THBS2: variants seen among roughly 807,000 people sequenced by gnomAD.
THBS2 encodes the protein thrombospondin-2.
Under a neutral mutation model 135.2 loss-of-function variants are expected in THBS2, and 47 were observed. The observed-to-expected ratio is 0.35, with a 90% CI of 0.28 to 0.44. THBS2 has a LOEUF of 0.44. Ranked by LOEUF, THBS2 falls within the 20% of genes least tolerant of loss-of-function variation. THBS2 has a pLI of 1.00. For synonymous variants in THBS2, 639 were observed against 633.8 expected (o/e 1.01, Z -0.12); for missense variants, 1,288 against 1,603.1 (o/e 0.80, Z 3.36).
At chr6:169,226,347 G>A (rs774178340) in intron 15 of THBS2, 49 bp from the exon 16 acceptor site, 1 of 1,457,312 alleles carries the variant, frequency 6.9e-7, no homozygotes, top group Non-Finnish European at 9.6e-7. Flanking sequence ...CAGAAGGACA[G>A]GTGAGTTTAG....
In THBS2 at chr6:169,220,173, A is replaced by G. The variant is rs201863589; in HGVS notation, c.3511+25T>C. 3.1e-6 allele frequency: 5 copies of G among 1,606,116 alleles called. No homozygotes were observed. In the East Asian group the frequency reaches 6.7e-5, roughly 22 times the overall value. The stretch of plus-strand genomic sequence containing the variant: ...TTTCTGGGTGCCACATGCCTTCCCC[A>G]CTAACCTGAAGTGCTCACACTCACC... On this transcript the variant is annotated intron_variant, in intron 21 of 21. Transcript: ENST00000617924.
intron 16 of THBS2, among the ~76,000 whole-genome samples, chr6:169,225,846 C>T (rs1779607174): frequency 6.6e-6 from 1 of 152,256 alleles, no homozygotes; most frequent in Non-Finnish European, 1.5e-5. Flanking sequence ...TGTGAAGACA[C>T]AACCTCGCTC....
rs1463155868 is a variant in THBS2 at position 169,216,070 on chromosome 6, G to A, written c.*1752C>T. 1.3e-5 allele frequency: 2 copies of A among 152,220 alleles called. No homozygotes were observed. Among genetic ancestry groups the A allele is most frequent in the East Asian group, 3.8e-4 (2 of 5,202 alleles). 9.4% of individuals were successfully genotyped at this position (152,220 alleles called of 1,614,324 possible). A position where few individuals can be genotyped will look rare whatever the true frequency, so the allele number is the denominator to read the frequency against. On this transcript the variant is annotated 3_prime_UTR_variant, in exon 22 of 22. Transcript: ENST00000617924. ...CAACACAGAAACAGAAAACCTGCACGCTGTTGACAGTCGCTACATTTAATG... is the reference window on the plus strand; with the variant it reads ...CAACACAGAAACAGAAAACCTGCACACTGTTGACAGTCGCTACATTTAATG...
chr6:169,250,478 T>A (rs1041935831), intron 2 of THBS2, among the ~76,000 whole-genome samples: 13 of 152,202 alleles, frequency 8.5e-5, no homozygotes, highest in African/African-American at 3.1e-4. Flanking sequence ...GTTGTGAACA[T>A]CCTCTATAGA....
chr6:169,238,045 A>G (rs1307768010), intron 7 of THBS2, among the ~76,000 whole-genome samples: 1 of 152,190 alleles, frequency 6.6e-6, no homozygotes, highest in Non-Finnish European at 1.5e-5. Context: ...TTCTGGGTCT[A>G]CTATTAGGGT....
Position 169,248,622 on chromosome 6 carries a change from T to A in THBS2, c.404A>T (p.His135Leu). 6.2e-7 allele frequency: 1 copy of A among 1,614,076 alleles called. No homozygotes were observed. Among genetic ancestry groups the A allele is most frequent in the Non-Finnish European group, 8.5e-7 (1 of 1,180,040 alleles). The change falls in exon 3 of 22, where the codon CAT becomes CTT. Residue 135 changes from histidine to leucine, a missense_variant. Transcript: ENST00000617924. Reference protein sequence around the residue: ...DLTYWIDGTRHVVSLEDVGLA... With the variant: ...DLTYWIDGTRLVVSLEDVGLA... ...GCCGACGTCCTCCAGGGAGACCACA[T>A]GCCGGGTGCCGTCAATCCAGTAGGT... is the stretch of plus-strand genomic sequence containing the variant.
chr6:169,251,128 G>A (rs184505182), intron 1 of THBS2, among the ~76,000 whole-genome samples: 2 of 152,318 alleles, frequency 1.3e-5, no homozygotes, highest in Admixed American at 1.3e-4. Flanking sequence ...TGAGCAAATG[G>A]AAGATGGGCA....
chr6:169,233,566 C>T (rs1779928741), intron 10 of THBS2, among the ~76,000 whole-genome samples: 1 of 151,010 alleles, frequency 6.6e-6, no homozygotes, highest in Non-Finnish European at 1.5e-5. Flanking sequence ...TTCCAGACCA[C>T]ACAACTACCC....
intron 4 of THBS2, among the ~76,000 whole-genome samples, chr6:169,243,638 A>G (rs1417851122): frequency 6.6e-6 from 1 of 152,176 alleles, no homozygotes; most frequent in Non-Finnish European, 1.5e-5. Flanking sequence ...ACACATTAAT[A>G]GAGACAAAGA....
At chr6:169,239,556 T>C (rs1780218744) in intron 7 of THBS2, 43 bp downstream of exon 7, 3 of 1,514,862 alleles carry the variant, frequency 2.0e-6, no homozygotes, top group South Asian at 2.4e-5. Context: ...AAGCATGGAA[T>C]TCCTAAAAAT....
At chr6:169,218,036 GAT>G (rs1779243510) in intron 21 of THBS2, among the ~76,000 whole-genome samples, 1 of 78,654 alleles carries the variant, frequency 1.3e-5, no homozygotes, top group Non-Finnish European at 2.9e-5. Context: ...TGGGTGGGTG[GAT>G]GAGATGGATG....
intron 17 of THBS2, among the ~76,000 whole-genome samples, chr6:169,224,515 G>C (rs1237076975): frequency 6.6e-6 from 1 of 150,396 alleles, no homozygotes; most frequent in African/African-American, 2.4e-5. Flanking sequence ...CAAGGACGTG[G>C]CTTCCAAAGA....
At chr6:169,242,824 C>A (rs1307973038) in intron 4 of THBS2, among the ~76,000 whole-genome samples, 5 of 100,424 alleles carry the variant, frequency 5.0e-5, no homozygotes, top group Admixed American at 9.8e-5. Flanking sequence ...CCACTCCCAC[C>A]TTCCCACCTT....
In THBS2 at chr6:169,217,378, G is replaced by T. The variant is rs1241041588; in HGVS notation, c.*444C>A. On this transcript the variant is annotated 3_prime_UTR_variant, in exon 22 of 22. Coordinates refer to ENST00000617924, the MANE Select transcript of THBS2 (RefSeq NM_003247.5). ...GTAGAGCAACTCTAATTCAAGAATA[G>T]TGACAACTTTAAGCACCAAAAGTAG... The T allele has an allele frequency of 1.9e-5, 3 of 160,960 alleles. No homozygotes were observed. The highest frequency in any genetic ancestry group is 4.0e-5 in the Non-Finnish European group (3 of 74,082). 10.0% of individuals were successfully genotyped at this position (160,960 alleles called of 1,614,324 possible).
chr6:169,237,529 G>T, intron 8 of THBS2, 96 bp downstream of exon 8: 3 of 1,563,984 alleles, frequency 1.9e-6, no homozygotes, highest in Non-Finnish European at 2.6e-6. Context: ...CCAGCACCTC[G>T]TGAGGGCAGC....
chr6:169,238,480 G>T (rs1780183402), intron 7 of THBS2, among the ~76,000 whole-genome samples: 1 of 152,226 alleles, frequency 6.6e-6, no homozygotes, highest in African/African-American at 2.4e-5. Context: ...TCCTGGTCAT[G>T]ATGCTCCTGA....
intron 15 of THBS2, among the ~76,000 whole-genome samples, chr6:169,227,166 T>C (rs1263947282): frequency 1.3e-5 from 2 of 151,978 alleles, no homozygotes; most frequent in Non-Finnish European, 2.9e-5. Flanking sequence ...TTGGGGTGGC[T>C]CAGAAAGGGG....
chr6:169,242,210 G>A (rs1780333299), intron 4 of THBS2, among the ~76,000 whole-genome samples: 1 of 152,112 alleles, frequency 6.6e-6, no homozygotes, highest in Non-Finnish European at 1.5e-5. Flanking sequence ...TTCCCACGCT[G>A]CCACATGTCA....
At chr6:169,243,993 A>G (rs1470006522) in intron 4 of THBS2, among the ~76,000 whole-genome samples, 3 of 148,068 alleles carry the variant, frequency 2.0e-5, no homozygotes, top group Non-Finnish European at 3.0e-5. Flanking sequence ...ATAACCAGTG[A>G]AGAAGAAGTC....
Sources: gnomAD v4.1 joint callset for allele counts (sites outside exome capture counted in the v4.1 genomes callset) on GRCh38, gnomAD v4.1.1 for gene constraint, MANE v1.5 for transcripts, NCBI Gene and HGNC (gene_info 2026-07-23, HGNC 2026-07-21) for gene names.